Variants in PSME4 observed in about 807,000 individuals in gnomAD.
PSME4 encodes the protein proteasome activator complex subunit 4.
A neutral mutation model predicts 253.9 loss-of-function variants in PSME4; 89 were observed. The ratio of observed to expected loss-of-function variants is 0.35; its 90% CI spans 0.30 to 0.42. The LOEUF is 0.42. Ranked by LOEUF, PSME4 falls within the 10% of genes least tolerant of loss-of-function variation. The pLI is 1.00. For missense variants in PSME4, 2,014 were observed against 2,195.2 expected (o/e 0.92, Z 1.65); for synonymous variants, 851 against 759.2 (o/e 1.12, Z -1.99).
chr2:53,944,283 T>C (rs1368346427), intron 3 of PSME4, among the ~76,000 whole-genome samples: 1 of 152,054 alleles, frequency 6.6e-6, no homozygotes, highest in African/African-American at 2.4e-5. Flanking sequence ...CTCAGCCTCC[T>C]GGGTAGCTGG....
In PSME4 at chr2:53,970,531, G is replaced by A. The variant is rs1429928898; in HGVS notation, c.242+12C>T. On this transcript the variant is annotated intron_variant, in intron 1 of 46. Coordinates refer to ENST00000404125, the MANE Select transcript of PSME4 (RefSeq NM_014614.3). The stretch of plus-strand genomic sequence containing the variant: ...TCCCCCCGGCCCGGCCCGCAGGCCC[G>A]GGCACACTTACGTGGAGAGTTTCCT... The A allele has an allele frequency of 2.6e-6, 4 of 1,547,012 alleles. No homozygotes were observed. The highest frequency in any genetic ancestry group is 1.2e-5 in the South Asian group (1 of 83,866).
Position 53,864,674 on chromosome 2 carries a change from A to G in PSME4, c.*904T>C, listed in dbSNP as rs1678485125. The G allele has an allele frequency of 6.6e-6, 1 of 152,654 alleles. No homozygotes were observed. Among genetic ancestry groups the G allele is most frequent in the African/African-American group, 2.4e-5 (1 of 41,462 alleles). The allele number at this position is 152,654 out of a possible 1,614,324, so 9.5% of individuals were successfully genotyped here. ...TTTATATAACATATTAAACAAATCAATTAAATATTAAGCCTTATTAGTCTC... is the reference window on the plus strand; with the variant it reads ...TTTATATAACATATTAAACAAATCAGTTAAATATTAAGCCTTATTAGTCTC... On this transcript the variant is annotated 3_prime_UTR_variant, in exon 47 of 47. Coordinates refer to ENST00000404125, the MANE Select transcript of PSME4 (RefSeq NM_014614.3).
chr2:53,922,897 GGAT>G, intron 16 of PSME4, 149 bp downstream of exon 16: 1 of 645,210 alleles, frequency 1.5e-6, no homozygotes, highest in Non-Finnish European at 2.5e-6. Context: ...CTGCCAACCT[GGAT>G]GATATCTTTT....
chr2:53,917,114 A>G (rs895348658), intron 20 of PSME4: 1 of 150,820 alleles, frequency 6.6e-6, no homozygotes, highest in Non-Finnish European at 1.5e-5. Context: ...AAATATACAT[A>G]TATTTAATAT....
chr2:53,869,104 T>C (rs564382352), intron 44 of PSME4, among the ~76,000 whole-genome samples: 3 of 152,214 alleles, frequency 2.0e-5, no homozygotes, highest in Non-Finnish European at 4.4e-5. Context: ...ATCTCTTTTT[T>C]ATGAAGCTAT....
At chr2:53,869,749 G>A in intron 43 of PSME4, 1 of 371,962 alleles carries the variant, frequency 2.7e-6, no homozygotes, top group Non-Finnish European at 4.8e-6. Context: ...TTAGGGTTAT[G>A]AGCATAAACT....
intron 3 of PSME4, 29 bp from the exon 4 acceptor site, chr2:53,940,029 G>A: frequency 6.6e-7 from 1 of 1,503,906 alleles, no homozygotes; most frequent in Non-Finnish European, 9.1e-7. Flanking sequence ...TTGATAATTA[G>A]ATTGGTGTAT....
intron 27 of PSME4, 83 bp downstream of exon 27, chr2:53,903,942 A>C: frequency 9.0e-7 from 1 of 1,111,280 alleles, no homozygotes; most frequent in Non-Finnish European, 1.3e-6. Context: ...GGTGAAGAAG[A>C]TATGGATGTT....
In PSME4 at chr2:53,949,995, C is replaced by A. The variant is rs1416201377; in HGVS notation, c.243-712G>T. Among the ~76,000 whole-genome samples the A allele has an allele frequency of 2.0e-5, 3 of 152,210 alleles. No individual in the cohort carries two copies. In the South Asian group the frequency reaches 6.2e-4, roughly 32 times the overall value. On this transcript the variant is annotated intron_variant, in intron 1 of 46. Coordinates refer to ENST00000404125, the MANE Select transcript of PSME4 (RefSeq NM_014614.3). ...GTACTTCAATTGAGACATAACCAGG[C>A]CAGGCAAAGTAGTTCATGCCTGTAA...
chr2:53,902,358 A>G (rs1680443042), intron 27 of PSME4, among the ~76,000 whole-genome samples: 1 of 152,180 alleles, frequency 6.6e-6, no homozygotes, highest in Non-Finnish European at 1.5e-5. Context: ...TTCTGATGAC[A>G]GCAGGTATCC....
At chr2:53,882,654 T>C (rs1230633867) in intron 41 of PSME4, among the ~76,000 whole-genome samples, 1 of 152,188 alleles carries the variant, frequency 6.6e-6, no homozygotes, top group African/African-American at 2.4e-5. Flanking sequence ...TTCACGCTGT[T>C]AATGACTCCA....
chr2:53,921,626 T>C (rs1333459276), intron 17 of PSME4, among the ~76,000 whole-genome samples: 4 of 140,810 alleles, frequency 2.8e-5, no homozygotes, highest in Non-Finnish European at 3.1e-5. Context: ...CCCAGCACTT[T>C]GGGAGGCCGA....
Position 53,874,463 on chromosome 2 carries a change from T to C in PSME4, c.4976A>G (p.Tyr1659Cys). ...TARSSSWHAR[Y>C]TVLTYLQTMV... is the part of the protein sequence containing the mutation. Reference sequence around the variant, plus strand: ...GGTCTGGAGGTAGGTCAGTACTGTGTATCGTGCATGCCAAGAACTGCTTCT... The same window carrying C: ...GGTCTGGAGGTAGGTCAGTACTGTGCATCGTGCATGCCAAGAACTGCTTCT... The change falls in exon 43 of 47, where the codon TAC (tyrosine) becomes TGC (cysteine). Residue 1659 changes from tyrosine (Y) to cysteine (C), a missense_variant. Around this residue, in one of 4 missense-constraint regions of PSME4, gnomAD observed 403 missense variants for 556.1 expected, o/e 0.72. Coordinates refer to ENST00000404125, the MANE Select transcript of PSME4 (RefSeq NM_014614.3). 1 of 1,614,020 alleles carries C rather than the reference T, an allele frequency of 6.2e-7. No homozygotes were observed. Among genetic ancestry groups the C allele is most frequent in the Non-Finnish European group, 8.5e-7 (1 of 1,179,976 alleles).
chr2:53,889,430 G>GA (rs769045146), intron 37 of PSME4, among the ~76,000 whole-genome samples: 7 of 149,736 alleles, frequency 4.7e-5, no homozygotes, highest in Non-Finnish European at 8.9e-5. Flanking sequence ...ATAATGACAA[G>GA]AAAAAAAAAA....
intron 41 of PSME4, among the ~76,000 whole-genome samples, chr2:53,877,770 A>C (rs1679204081): frequency 6.6e-6 from 1 of 152,188 alleles, no homozygotes; most frequent in Admixed American, 6.5e-5. Context: ...AGCTGACTTA[A>C]GTTTGGTCAA....
At position 53,932,105 on chromosome 2, in the gene PSME4, G is replaced by C. The variant is rs375619810; in HGVS notation, c.1051-5C>G. The C allele has an allele frequency of 6.2e-7, 1 of 1,611,038 alleles. No homozygotes were observed. The highest frequency in any genetic ancestry group is 1.7e-5 in the Admixed American group (1 of 59,794). ...AAGTAGTTTCATTAACTTGTTCTGG[G>C]GACACAGAAGCAAAAAGTTCTAAGT... On this transcript the variant is annotated splice_polypyrimidine_tract_variant and splice_region_variant and intron_variant, in intron 9 of 46. Coordinates refer to ENST00000404125, the MANE Select transcript of PSME4 (RefSeq NM_014614.3).
intron 29 of PSME4, among the ~76,000 whole-genome samples, chr2:53,899,312 C>T (rs1680284792): frequency 6.6e-6 from 1 of 151,890 alleles, no homozygotes; most frequent in Non-Finnish European, 1.5e-5. Context: ...GTGATCTTCC[C>T]ACCTCAGCCT....
chr2:53,881,708 C>T (rs1573206854), intron 41 of PSME4, among the ~76,000 whole-genome samples: 1 of 152,054 alleles, frequency 6.6e-6, no homozygotes, highest in Non-Finnish European at 1.5e-5. Context: ...TCTCAGACCC[C>T]TGGGTAGCTG....
chr2:53,921,651 G>A (rs1331057980), intron 17 of PSME4, among the ~76,000 whole-genome samples: 6 of 142,826 alleles, frequency 4.2e-5, no homozygotes, highest in Admixed American at 1.4e-4. Context: ...GGCGGATCAC[G>A]AGGTCAGGAG....
Sources: allele counts gnomAD v4.1 joint callset (sites outside exome capture counted in the v4.1 genomes callset), GRCh38; gene constraint gnomAD v4.1.1; regional missense constraint gnomAD v4.1.1; transcripts MANE v1.5; gene names NCBI Gene and HGNC (gene_info 2026-07-23, HGNC 2026-07-21).